The following OGG1 variants were observed in gnomAD, a reference collection of about 807,000 sequenced individuals.
The protein encoded by OGG1 is 8-oxoguanine DNA glycosylase.
A neutral mutation model predicts 42.3 loss-of-function variants in OGG1; 35 were observed. The observed-to-expected ratio is 0.83, with a 90% CI of 0.63 to 1.10. The LOEUF is 1.10. Ranked by LOEUF, OGG1 falls within the 50% of genes least tolerant of loss-of-function variation. The pLI is 0.00. For synonymous variants in OGG1, 189 were observed against 179.0 expected, an observed-to-expected ratio of 1.06 and a Z score of -0.44; for missense variants, 484 against 446.7, an observed-to-expected ratio of 1.08 and a Z score of -0.75.
downstream of OGG1, chr3:9,759,172 C>T (rs777627402): frequency 6.3e-7 from 1 of 1,599,800 alleles, no homozygotes; most frequent in South Asian, 1.1e-5. Context: ...TCACTAATTC[C>T]TACTTAACTG....
At chr3:9,760,753 A>C (rs1048619930), downstream of OGG1, 2 of 1,613,852 alleles carry the variant, frequency 1.2e-6, no homozygotes, top group African/African-American at 2.7e-5. Flanking sequence ...CATAGAAGGG[A>C]GGGTAACCGC....
chr3:9,768,101 A>G (rs1040355083), downstream of OGG1, among the ~76,000 whole-genome samples: 5 of 152,192 alleles, frequency 3.3e-5, no homozygotes, highest in East Asian at 9.7e-4. Flanking sequence ...TGGCAGTACA[A>G]CAGATAAACC....
chr3:9,751,739 C>G (rs2077309545), intron 2 of OGG1, 31 bp from the exon 3 acceptor site: 1 of 1,608,940 alleles, frequency 6.2e-7, no homozygotes, highest in Non-Finnish European at 8.5e-7. Flanking sequence ...CAGCAGGTAC[C>G]TCTCCTACCC....
chr3:9,756,424 C>T, intron 4 of OGG1, 47 bp from the exon 5 acceptor site: 1 of 1,608,148 alleles, frequency 6.2e-7, no homozygotes, highest in Non-Finnish European at 8.5e-7. Context: ...AGATGCTGGC[C>T]ACATGCTGCC....
rs755819850 is a variant in OGG1, at chr3:9,784,226, G to A, written c.382+2626G>A. 16 of 1,596,572 alleles carry A rather than the reference G, an allele frequency of 1.0e-5. No individual in the cohort carries two copies. In the Admixed American group the frequency reaches 2.4e-4, roughly 23 times the overall value. ...AGTATGCGGCACACTGCAGCGGGAG[G>A]CAGGCCCGTCAGACTCAAGAGCCAG... is the stretch of plus-strand genomic sequence containing the variant. On this transcript the variant is annotated intron_variant, in intron 3 of 3. Coordinates refer to the OGG1 transcript ENST00000426518.
At chr3:9,784,066 A>G in intron 3 of OGG1, 1 of 1,614,138 alleles carries the variant, frequency 6.2e-7, no homozygotes, top group Non-Finnish European at 8.5e-7. Context: ...TGTGGGCACT[A>G]AGTGCCTTCA....
At chr3:9,790,754 T>C (rs2078709754), downstream of OGG1, among the ~76,000 whole-genome samples, 1 of 152,216 alleles carries the variant, frequency 6.6e-6, no homozygotes, top group South Asian at 2.1e-4. Context: ...GGTCCTATTA[T>C]TCACCCCACT....
At chr3:9,771,271 C>G (rs1209582409), downstream of OGG1, among the ~76,000 whole-genome samples, 1 of 152,034 alleles carries the variant, frequency 6.6e-6, no homozygotes, top group Non-Finnish European at 1.5e-5. Flanking sequence ...GCAATCCTCC[C>G]CAATCAGCTT....
rs372209371 is a variant in OGG1, at chr3:9,780,600, A to C, written c.295-913A>C. ...CAGGGTCAGCCCACCTCCAGAGAAC[A>C]ACCCCTCCCTCTTCAAGACCGAGCC... On this transcript the variant is annotated intron_variant, in intron 2 of 3. Transcript: ENST00000426518. 2.2e-4 allele frequency: 334 copies of C among 1,541,438 alleles called. 1 individual carries two copies. Among genetic ancestry groups the C allele is most frequent in the Non-Finnish European group, 2.6e-4 (300 of 1,147,992 alleles).
intron 2 of OGG1, chr3:9,781,410 G>A: frequency 2.3e-6 from 1 of 430,096 alleles, no homozygotes; most frequent in Non-Finnish European, 4.8e-6. Context: ...TTACCCGTGA[G>A]GAAAATGAGG....
At chr3:9,759,360 T>A (rs2077737783), downstream of OGG1, 7 of 1,550,238 alleles carry the variant, frequency 4.5e-6, no homozygotes, top group Admixed American at 1.2e-4. Flanking sequence ...AATGAAGTCC[T>A]TCAGTAAGGA....
At chr3:9,770,744 G>A (rs1205931107), downstream of OGG1, among the ~76,000 whole-genome samples, 1 of 152,068 alleles carries the variant, frequency 6.6e-6, no homozygotes, top group Non-Finnish European at 1.5e-5. Flanking sequence ...GCCAAAGGTC[G>A]GTTTGCTCAA....
chr3:9,764,837 G>T (rs927819375), intron 7 of OGG1, among the ~76,000 whole-genome samples: 2 of 151,784 alleles, frequency 1.3e-5, no homozygotes, highest in African/African-American at 4.8e-5. Flanking sequence ...TCTCCGTGTT[G>T]GTCAGGCGAT....
chr3:9,771,199 T>C (rs2078292260), downstream of OGG1, among the ~76,000 whole-genome samples: 1 of 151,944 alleles, frequency 6.6e-6, no homozygotes, highest in Non-Finnish European at 1.5e-5. Flanking sequence ...GGCTTTTTTA[T>C]TTTTTGTAGA....
At chr3:9,777,638 G>A (rs780079190) in intron 2 of OGG1, among the ~76,000 whole-genome samples, 2 of 152,166 alleles carry the variant, frequency 1.3e-5, no homozygotes, top group Non-Finnish European at 2.9e-5. Flanking sequence ...ACTGATCCTT[G>A]AAAGTTAAGT....
At chr3:9,781,671 A>C (rs1014013986) in intron 3 of OGG1, 1 of 435,284 alleles carries the variant, frequency 2.3e-6, no homozygotes, top group African/African-American at 2.0e-5. Flanking sequence ...GTGGAGCTGG[A>C]AGGTCACTTA....
chr3:9,787,079 G>A (rs1031979932), intron 3 of OGG1: 2 of 1,614,234 alleles, frequency 1.2e-6, no homozygotes, highest in East Asian at 2.2e-5. Flanking sequence ...TTCATGCTGG[G>A]CCTCAGACTT....
At chr3:9,787,762 A>T (rs1335297051) in exon 4 of OGG1, 9 of 1,238,410 alleles carry the variant, frequency 7.3e-6, no homozygotes, top group Non-Finnish European at 8.5e-6. Flanking sequence ...GTGAAGTGAA[A>T]GAGAGAGATC....
Position 9,754,721 on chromosome 3 carries a change from C to G in OGG1, c.583C>G (p.His195Asp). 1 of 1,614,152 alleles carries G rather than the reference C, an allele frequency of 6.2e-7. No homozygotes were observed. Among genetic ancestry groups the G allele is most frequent in the Non-Finnish European group, 8.5e-7 (1 of 1,180,016 alleles). ...QALAGPEVEA[H>D]LRKLGLGYRA... ...CCCCGCAGGGCCAGAGGTGGAGGCT[C>G]ATCTCAGGAAGCTGGGCCTGGGCTA... Residue 195 changes from histidine to aspartate, a missense_variant, in exon 4 of 7, where the codon CAT becomes GAT. Transcript: ENST00000344629.
Sources: allele counts gnomAD v4.1 joint callset (sites outside exome capture counted in the v4.1 genomes callset), GRCh38; gene constraint gnomAD v4.1.1; transcripts MANE v1.5; gene names NCBI Gene and HGNC (gene_info 2026-07-23, HGNC 2026-07-21).